Variants in ENTPD1 observed in about 807,000 individuals in gnomAD.
ENTPD1 encodes the protein ectonucleoside triphosphate diphosphohydrolase 1, also known as ATP diphosphohydrolase.
In ENTPD1, 33 loss-of-function variants were observed where a neutral mutation model predicts 57.0. The observed-to-expected ratio is 0.58, with a 90% confidence interval of 0.44 to 0.77. The LOEUF is 0.77. Among genes scored for constraint, ENTPD1 ranks in the 30% least tolerant of loss-of-function variants. The pLI is 0.00. For synonymous variants in ENTPD1, 202 were observed against 218.8 expected (o/e 0.92, Z 0.68); for missense variants, 501 against 603.4 (o/e 0.83, Z 1.78).
upstream of ENTPD1, among the ~76,000 whole-genome samples, chr10:95,706,836 T>A (rs566368997): frequency 6.6e-6 from 1 of 152,164 alleles, no homozygotes; most frequent in Non-Finnish European, 1.5e-5. Flanking sequence ...GGTGCCTTAC[T>A]GGGGACCCCA....
the ENTPD1 span, among the ~76,000 whole-genome samples, chr10:95,698,397 T>TGGA: frequency 1.3e-5 from 2 of 152,238 alleles, no homozygotes; most frequent in Non-Finnish European, 2.9e-5. Context: ...TGGAAGGATT[T>TGGA]GGATAACTCT....
intron 1 of ENTPD1, among the ~76,000 whole-genome samples, chr10:95,767,790 G>A (rs2098095790): frequency 6.6e-6 from 1 of 152,092 alleles, no homozygotes; most frequent in Non-Finnish European, 1.5e-5. Flanking sequence ...GTCTTGAGAA[G>A]TTTGATGCTG....
chr10:95,723,931 G>T (rs747318541), intron 1 of ENTPD1, among the ~76,000 whole-genome samples: 1 of 152,006 alleles, frequency 6.6e-6, no homozygotes, highest in Non-Finnish European at 1.5e-5. Context: ...GGAGGCTGAG[G>T]TGGGCAGATC....
Position 95,866,812 on chromosome 10 carries a change from T to G in ENTPD1, c.*429T>G. 1 of 1,049,612 alleles carries G rather than the reference T, an allele frequency of 9.5e-7. No individual in the cohort carries two copies. Among genetic ancestry groups the G allele is most frequent in the Non-Finnish European group, 1.2e-6 (1 of 868,232 alleles). 65.0% of individuals were successfully genotyped at this position (1,049,612 alleles called of 1,614,324 possible). ...TCTTTAAGAACCCCTTTCTCTCTCCTGTTTGCCATCCATTAAGAAAGCCAT... is the reference window on the plus strand; with the variant it reads ...TCTTTAAGAACCCCTTTCTCTCTCCGGTTTGCCATCCATTAAGAAAGCCAT... On this transcript the variant is annotated 3_prime_UTR_variant, in exon 10 of 10. Coordinates refer to ENST00000371205, the MANE Select transcript of ENTPD1 (RefSeq NM_001776.6).
chr10:95,803,227 CT>C (rs2098258004), intron 1 of ENTPD1, among the ~76,000 whole-genome samples: 1 of 151,578 alleles, frequency 6.6e-6, no homozygotes, highest in African/African-American at 2.4e-5. Flanking sequence ...TCATCTTTGG[CT>C]TTTTAGATTG....
intron 1 of ENTPD1, among the ~76,000 whole-genome samples, chr10:95,779,518 G>C (rs563365746): frequency 6.6e-5 from 10 of 152,252 alleles, no homozygotes; most frequent in African/African-American, 2.2e-4. Context: ...AGTTGGCTTA[G>C]TTTCAATTTG....
At chr10:95,717,307 A>G (rs2097972651) in intron 1 of ENTPD1, among the ~76,000 whole-genome samples, 1 of 144,846 alleles carries the variant, frequency 6.9e-6, no homozygotes, top group Admixed American at 6.9e-5. Flanking sequence ...TCTTACACAC[A>G]TTGTTCATTG....
Position 95,866,291 on chromosome 10 carries a change from A to C in ENTPD1, c.1441A>C (p.Met481Leu), listed in dbSNP as rs1373770480. ...CTCCCACTCCACCTATGTCTTCCTCATGGTTCTATTCTCCCTGGTCCTTTT... is the reference window on the plus strand; with the variant it reads ...CTCCCACTCCACCTATGTCTTCCTCCTGGTTCTATTCTCCCTGGTCCTTTT... ...PLSHSTYVFL[M>L]VLFSLVLFTV... Residue 481 changes from methionine to leucine, a missense_variant, in exon 10 of 10, where the codon ATG becomes CTG. By Grantham distance (15) the Met-to-Leu change is conservative. Coordinates refer to ENST00000371205, the MANE Select transcript of ENTPD1 (RefSeq NM_001776.6). The C allele has an allele frequency of 1.2e-6, 2 of 1,614,050 alleles. 1 individual carries two copies. Among genetic ancestry groups the C allele is most frequent in the African/African-American group, 2.7e-5 (2 of 75,012 alleles).
the ENTPD1 span, among the ~76,000 whole-genome samples, chr10:95,704,404 A>G: frequency 6.6e-6 from 1 of 152,238 alleles, no homozygotes; most frequent in South Asian, 2.1e-4. Flanking sequence ...TTAAGATAAA[A>G]TAATTGTTAG....
chr10:95,814,642 G>A (rs1397429712), intron 1 of ENTPD1, among the ~76,000 whole-genome samples: 1 of 152,068 alleles, frequency 6.6e-6, no homozygotes, highest in East Asian at 1.9e-4. Flanking sequence ...CTCAGTATCA[G>A]CCAGGCTACG....
the ENTPD1 span, among the ~76,000 whole-genome samples, chr10:95,701,084 G>A: frequency 2.6e-5 from 4 of 152,268 alleles, no homozygotes; most frequent in African/African-American, 9.6e-5. Flanking sequence ...CTGAGCCACC[G>A]TGCCCAGCCA....
At chr10:95,705,036 C>G in the ENTPD1 span, among the ~76,000 whole-genome samples, 1 of 151,972 alleles carries the variant, frequency 6.6e-6, no homozygotes, top group Non-Finnish European at 1.5e-5. Context: ...AAAAGAGAAA[C>G]TCAACATCAT....
chr10:95,821,296 G>A (rs906287426), intron 1 of ENTPD1, among the ~76,000 whole-genome samples: 2 of 152,202 alleles, frequency 1.3e-5, no homozygotes, highest in Non-Finnish European at 2.9e-5. Context: ...TTTATGGAAG[G>A]ATGGGCTCAG....
At chr10:95,811,248 T>A (rs1192672116) in intron 1 of ENTPD1, among the ~76,000 whole-genome samples, 1 of 152,174 alleles carries the variant, frequency 6.6e-6, no homozygotes, top group Non-Finnish European at 1.5e-5. Flanking sequence ...ATTACATTGA[T>A]CTGGCAAGAA....
chr10:95,849,792 G>A (rs181888305), intron 7 of ENTPD1, among the ~76,000 whole-genome samples: 47 of 152,348 alleles, frequency 3.1e-4, no homozygotes, highest in Admixed American at 9.8e-4. Context: ...ATGCCCTGTG[G>A]CTGAGCTGGC....
intron 4 of ENTPD1, among the ~76,000 whole-genome samples, chr10:95,843,650 T>C (rs2098426974): frequency 6.6e-6 from 1 of 152,184 alleles, no homozygotes; most frequent in Non-Finnish European, 1.5e-5. Context: ...GTTTGGAGTT[T>C]ATCTTAGAGA....
rs1232431452 is a variant in ENTPD1 at position 95,866,789 on chromosome 10, T to C, written c.*406T>C. On this transcript the variant is annotated 3_prime_UTR_variant, in exon 10 of 10. Coordinates refer to ENST00000371205, the MANE Select transcript of ENTPD1 (RefSeq NM_001776.6). ...CTCAGGAACTGGTTCAGTTGTACTC[T>C]TTAAGAACCCCTTTCTCTCTCCTGT... 9.3e-7 allele frequency: 1 copy of C among 1,079,552 alleles called. No homozygotes were observed. The highest frequency in any genetic ancestry group is 1.1e-6 in the Non-Finnish European group (1 of 886,218). The allele number at this position is 1,079,552 out of a possible 1,614,324, so 66.9% of individuals were successfully genotyped here.
At chr10:95,754,865 A>G (rs925586897), upstream of ENTPD1, 3 of 152,252 alleles carry the variant, frequency 2.0e-5, no homozygotes, top group African/African-American at 7.2e-5. Flanking sequence ...GCACCGTGCA[A>G]AGTAACAGAG....
upstream of ENTPD1, among the ~76,000 whole-genome samples, chr10:95,751,128 G>C (rs187821562): frequency 4.7e-4 from 71 of 152,294 alleles, no homozygotes; most frequent in Non-Finnish European, 9.1e-4. Context: ...TGAGTTTAGA[G>C]AGGTAGAGAG....
Sources: gnomAD v4.1 joint callset for allele counts (sites outside exome capture counted in the v4.1 genomes callset) on GRCh38, gnomAD v4.1.1 for gene constraint, MANE v1.5 for transcripts, NCBI Gene and HGNC (gene_info 2026-07-23, HGNC 2026-07-21) for gene names.